BBX: variants seen among roughly 807,000 people sequenced by gnomAD.
The protein encoded by BBX is HMG box transcription factor BBX.
Under a neutral mutation model 100.2 loss-of-function variants are expected in BBX, and 30 were observed. The ratio of observed to expected loss-of-function variants is 0.30; its 90% CI spans 0.22 to 0.41. BBX has a LOEUF of 0.41. Ranked by LOEUF, BBX falls within the 10% of genes least tolerant of loss-of-function variation. The pLI is 1.00. For synonymous variants in BBX, 376 were observed against 388.1 expected, an observed-to-expected ratio of 0.97 and a Z score of 0.37; for missense variants, 1,023 against 1,129.8, an observed-to-expected ratio of 0.91 and a Z score of 1.35.
chr3:107,579,539 G>C (rs188760828), intron 2 of BBX, among the ~76,000 whole-genome samples: 10 of 152,336 alleles, frequency 6.6e-5, no homozygotes, highest in African/African-American at 2.4e-4. Context: ...CTGTCTGGAA[G>C]GGTCACATTA....
intron 2 of BBX, among the ~76,000 whole-genome samples, chr3:107,610,359 A>G (rs2054752319): frequency 6.6e-6 from 1 of 152,092 alleles, no homozygotes; most frequent in South Asian, 2.1e-4. Flanking sequence ...TTCTGTGTAT[A>G]TCCATTAGGT....
chr3:107,666,121 A>G (rs1205673006), intron 3 of BBX, among the ~76,000 whole-genome samples: 1 of 152,210 alleles, frequency 6.6e-6, no homozygotes, highest in Non-Finnish European at 1.5e-5. Flanking sequence ...TCTTGTGAGT[A>G]CTTTTGAACT....
intron 13 of BBX, 65 bp downstream of exon 13, chr3:107,778,584 T>A (rs1294958169): frequency 3.4e-5 from 52 of 1,524,084 alleles, no homozygotes; most frequent in African/African-American, 4.2e-5. Flanking sequence ...CAGCCAAGCT[T>A]TTAGCTCCCT....
At chr3:107,688,673 G>A (rs966125272) in intron 3 of BBX, among the ~76,000 whole-genome samples, 1 of 152,020 alleles carries the variant, frequency 6.6e-6, no homozygotes, top group Non-Finnish European at 1.5e-5. Context: ...GTTTCCAAAT[G>A]GTTTTATTAT....
At chr3:107,596,394 A>G (rs2053668939) in intron 2 of BBX, among the ~76,000 whole-genome samples, 1 of 152,236 alleles carries the variant, frequency 6.6e-6, no homozygotes, top group Admixed American at 6.5e-5. Flanking sequence ...GTGTATTCAC[A>G]TCTGTGCACT....
At chr3:107,715,844 T>A (rs6802235) in intron 4 of BBX, among the ~76,000 whole-genome samples, 21,280 of 152,246 alleles carry the variant, frequency 0.14, 1,857 homozygotes, top group South Asian at 0.28. Context: ...TTGAATGAAG[T>A]GTAGGATAAA....
At position 107,732,973 on chromosome 3, in the gene BBX, G is replaced by A; in HGVS notation, c.619G>A (p.Gly207Ser). 1 of 1,613,174 alleles carries A rather than the reference G, an allele frequency of 6.2e-7. No homozygotes were observed. The highest frequency in any genetic ancestry group is 8.5e-7 in the Non-Finnish European group (1 of 1,179,566). ...FGMADPTQMG[G>S]LSMLLLAGEH... Reference sequence around the variant, plus strand: ...TTATTTAGATCCTACTCAAATGGGAGGCCTGAGTATGCTGCTGTTAGCTGG... The same window carrying A: ...TTATTTAGATCCTACTCAAATGGGAAGCCTGAGTATGCTGCTGTTAGCTGG... Residue 207 changes from glycine to serine, a missense_variant, in exon 7 of 18, where the codon GGC (glycine) becomes AGC (serine). By Grantham distance (56) the Gly-to-Ser change is moderately conservative (BLOSUM62 0). This residue lies in a region of BBX where 11 missense variants were observed against 31.6 expected (regional missense o/e 0.35). Transcript: ENST00000325805.
chr3:107,773,044 C>G lies in BBX; in HGVS notation c.1323C>G (p.Pro441=). 6.2e-7 allele frequency: 1 copy of G among 1,613,648 alleles called. No individual in the cohort carries two copies. The highest frequency in any genetic ancestry group is 8.5e-7 in the Non-Finnish European group (1 of 1,179,918). ...HPHGIMIIED[P]AALNKPEKLK... ...ATGGAATTATGATCATTGAGGATCC[C>G]GCAGCATTAAACAAGCCAGAAAAGC... The change falls in exon 11 of 18, where the codon CCC becomes CCG. Residue 441 remains proline (P), a synonymous_variant. Coordinates refer to ENST00000325805, the MANE Select transcript of BBX (RefSeq NM_001142568.3). The surrounding 1 kb of genome is among the most constrained non-coding windows in gnomAD (Gnocchi z 4.1).
At chr3:107,639,652 C>T (rs2107761659) in intron 2 of BBX, among the ~76,000 whole-genome samples, 1 of 152,214 alleles carries the variant, frequency 6.6e-6, no homozygotes, top group South Asian at 2.1e-4. Flanking sequence ...GGACTAATGC[C>T]TACTCCTTTT....
chr3:107,554,230 T>C (rs1325615685), intron 2 of BBX, among the ~76,000 whole-genome samples: 1 of 152,236 alleles, frequency 6.6e-6, no homozygotes, highest in African/African-American at 2.4e-5. Flanking sequence ...TGAGGGATTA[T>C]TGATTACGGA....
At chr3:107,743,341 G>T (rs1242399780) in intron 7 of BBX, among the ~76,000 whole-genome samples, 2 of 152,002 alleles carry the variant, frequency 1.3e-5, no homozygotes, top group East Asian at 3.9e-4. Flanking sequence ...ATTTTTTGTG[G>T]CTACGAATTT....
At position 107,785,282 on chromosome 3, in the gene BBX, A is replaced by G. The variant is rs1013231523; in HGVS notation, c.2204-4505A>G. ...TTTTTCACAAATGAATCCAGAAATTACAAGAAAAGTAAACACTTCCCAATT... is the reference window on the plus strand; with the variant it reads ...TTTTTCACAAATGAATCCAGAAATTGCAAGAAAAGTAAACACTTCCCAATT... On this transcript the variant is annotated intron_variant, in intron 13 of 17. Transcript: ENST00000325805. Among the ~76,000 whole-genome samples, 11 of 152,072 alleles carry G rather than the reference A, an allele frequency of 7.2e-5. No individual in the cohort carries two copies. In the South Asian group the frequency reaches 1.2e-3, roughly 17 times the overall value.
chr3:107,550,550 C>T (rs867544825), intron 2 of BBX, among the ~76,000 whole-genome samples: 25 of 152,016 alleles, frequency 1.6e-4, no homozygotes, highest in Non-Finnish European at 2.8e-4. Flanking sequence ...AGGGGTAAAC[C>T]GCAAGCAATG....
intron 2 of BBX, among the ~76,000 whole-genome samples, chr3:107,582,999 T>C (rs1312127883): frequency 4.0e-5 from 6 of 151,838 alleles, no homozygotes; most frequent in Non-Finnish European, 8.8e-5. Context: ...CTTTTTTATA[T>C]TCTCTTTTTC....
At chr3:107,549,911 C>A in intron 2 of BBX, among the ~76,000 whole-genome samples, 1 of 145,834 alleles carries the variant, frequency 6.9e-6, no homozygotes. Context: ...AGGAAAGGTG[C>A]ATTTAAATTT....
At chr3:107,639,630 A>C (rs1175985135) in intron 2 of BBX, among the ~76,000 whole-genome samples, 6 of 152,174 alleles carry the variant, frequency 3.9e-5, no homozygotes, top group Non-Finnish European at 8.8e-5. Flanking sequence ...AGTTTAAAAG[A>C]GGCATCTGAC....
intron 10 of BBX, among the ~76,000 whole-genome samples, chr3:107,767,656 T>C (rs2107749726): frequency 6.6e-6 from 1 of 152,330 alleles, no homozygotes; most frequent in South Asian, 2.1e-4. Context: ...ATTATTTTAA[T>C]TGGAAAATCA....
At chr3:107,709,256 T>G (rs1399639984) in intron 3 of BBX, among the ~76,000 whole-genome samples, 1 of 152,192 alleles carries the variant, frequency 6.6e-6, no homozygotes, top group African/African-American at 2.4e-5. Flanking sequence ...TGGTGAATAA[T>G]TTTTTGAAGT....
intron 5 of BBX, among the ~76,000 whole-genome samples, chr3:107,719,579 G>A (rs1475207694): frequency 1.3e-5 from 2 of 151,746 alleles, no homozygotes; most frequent in Non-Finnish European, 2.9e-5. Flanking sequence ...TGCATTGCTG[G>A]AAAAAAAGGC....
Sources: allele counts gnomAD v4.1 joint callset (sites outside exome capture counted in the v4.1 genomes callset), GRCh38; gene constraint gnomAD v4.1.1; regional missense constraint gnomAD v4.1.1; non-coding constraint Gnocchi (gnomAD v3.1); transcripts MANE v1.5; gene names NCBI Gene and HGNC (gene_info 2026-07-23, HGNC 2026-07-21).